ANO3: variants seen among roughly 807,000 people sequenced by gnomAD.
ANO3 encodes the protein anoctamin-3.
ANO3 carries 99 observed loss-of-function variants against 144.8 expected under a neutral mutation model. That is an observed-to-expected ratio of 0.68 (90% CI 0.58 to 0.81). The LOEUF (loss-of-function observed/expected upper bound fraction) is 0.81, where lower values mean the gene tolerates loss of function less well. Among genes scored for constraint, ANO3 ranks in the 30% least tolerant of loss-of-function variants. ANO3 has a pLI of 0.00. For missense variants in ANO3, 905 were observed against 1,202.2 expected (o/e 0.75, Z 3.66); for synonymous variants, 414 against 392.6 (o/e 1.05, Z -0.64).
intron 1 of ANO3, among the ~76,000 whole-genome samples, chr11:26,334,562 A>G (rs1427042947): frequency 6.6e-6 from 1 of 152,212 alleles, no homozygotes; most frequent in Non-Finnish European, 1.5e-5. Context: ...GAAATCTTCA[A>G]CAAAGTGGTT....
chr11:26,531,111 GA>G, intron 7 of ANO3, 93 bp from the exon 8 acceptor site: 1 of 1,390,150 alleles, frequency 7.2e-7, no homozygotes, highest in Non-Finnish European at 9.9e-7. Flanking sequence ...TCTTTTCAAA[GA>G]AGTTTCTTTA....
chr11:26,309,271 A>T (rs1854454112), upstream of ANO3, among the ~76,000 whole-genome samples: 1 of 152,194 alleles, frequency 6.6e-6, no homozygotes, highest in Non-Finnish European at 1.5e-5. Context: ...TATGAAAAAG[A>T]TCAGAGTGAG....
chr11:26,558,204 C>T (rs556687436), intron 13 of ANO3, among the ~76,000 whole-genome samples: 8 of 152,124 alleles, frequency 5.3e-5, no homozygotes, highest in Non-Finnish European at 1.2e-4. Flanking sequence ...GTTCATGCAA[C>T]ACAATTGCTA....
At chr11:26,400,634 T>C (rs1857123551) in intron 1 of ANO3, among the ~76,000 whole-genome samples, 1 of 151,910 alleles carries the variant, frequency 6.6e-6, no homozygotes, top group Non-Finnish European at 1.5e-5. Context: ...TTCATTAATA[T>C]GTTTGCATTC....
intron 14 of ANO3, 80 bp downstream of exon 14, chr11:26,559,859 C>G: frequency 1.1e-6 from 1 of 905,696 alleles, no homozygotes; most frequent in East Asian, 2.4e-5. Context: ...CACACACACA[C>G]ACACACACAC....
At chr11:26,528,441 C>G (rs1849221257) in intron 7 of ANO3, among the ~76,000 whole-genome samples, 1 of 152,136 alleles carries the variant, frequency 6.6e-6, no homozygotes, top group African/African-American at 2.4e-5. Context: ...CTGTTAACAT[C>G]ACAAATGATG....
At chr11:26,240,233 A>G (rs1852633376) in intron 1 of ANO3, among the ~76,000 whole-genome samples, 2 of 152,220 alleles carry the variant, frequency 1.3e-5, no homozygotes, top group African/African-American at 4.8e-5. Flanking sequence ...TATTATTATT[A>G]TTCAGTGACT....
chr11:26,636,325 G>A (rs1470292252), intron 20 of ANO3, among the ~76,000 whole-genome samples: 3 of 152,170 alleles, frequency 2.0e-5, no homozygotes, highest in Admixed American at 6.5e-5. Flanking sequence ...TTTAAAAAGT[G>A]CTATGGTTTG....
intron 1 of ANO3, among the ~76,000 whole-genome samples, chr11:26,431,999 T>A (rs1858111405): frequency 6.6e-6 from 1 of 152,198 alleles, no homozygotes; most frequent in South Asian, 2.1e-4. Flanking sequence ...TTCACAGTGG[T>A]TGAACTAATT....
chr11:26,488,539 C>T (rs533322818), intron 4 of ANO3, among the ~76,000 whole-genome samples: 113 of 152,248 alleles, frequency 7.4e-4, no homozygotes, highest in African/African-American at 2.6e-3. Flanking sequence ...CAGATGCCTC[C>T]GGACTTTCTT....
At chr11:26,239,710 T>C (rs1852617787) in intron 1 of ANO3, among the ~76,000 whole-genome samples, 1 of 152,210 alleles carries the variant, frequency 6.6e-6, no homozygotes, top group African/African-American at 2.4e-5. Context: ...TGGTCTCTGC[T>C]ATAACCCCAG....
intron 4 of ANO3, among the ~76,000 whole-genome samples, chr11:26,502,626 T>TC (rs1256799980): frequency 6.6e-6 from 1 of 152,154 alleles, no homozygotes; most frequent in Non-Finnish European, 1.5e-5. Context: ...TTGGTACCTA[T>TC]CAGGCTTCTT....
chr11:26,566,485 A>T (rs1290021447), intron 14 of ANO3, among the ~76,000 whole-genome samples: 3 of 152,080 alleles, frequency 2.0e-5, no homozygotes, highest in East Asian at 3.9e-4. Flanking sequence ...CTAGTCATGA[A>T]ATAACTCATG....
Position 26,558,269 on chromosome 11 carries a change from G to A in ANO3, c.1387-1450G>A, listed in dbSNP as rs541938292. On this transcript the variant is annotated intron_variant, in intron 13 of 26. Transcript: ENST00000256737. ...CTAAAAGCATGGTTATTTCTAGAGCGGGGAAGGGCCATTATTTCTTGGTGA... is the reference window on the plus strand; with the variant it reads ...CTAAAAGCATGGTTATTTCTAGAGCAGGGAAGGGCCATTATTTCTTGGTGA... 8.5e-5 allele frequency among the ~76,000 whole-genome samples: 13 copies of A among 152,212 alleles called. No homozygotes were observed. The South Asian group carries it at 2.3e-3, about 27-fold the overall frequency.
At chr11:26,588,598 T>G (rs1160520277) in intron 14 of ANO3, among the ~76,000 whole-genome samples, 1 of 152,192 alleles carries the variant, frequency 6.6e-6, no homozygotes, top group Non-Finnish European at 1.5e-5. Context: ...TGTTTTTTGC[T>G]CAAGTATATG....
At chr11:26,217,460 C>G (rs979282493) in intron 1 of ANO3, among the ~76,000 whole-genome samples, 2 of 151,906 alleles carry the variant, frequency 1.3e-5, no homozygotes, top group Non-Finnish European at 2.9e-5. Flanking sequence ...TGTGATTTAG[C>G]TGGGAGTTAG....
intron 14 of ANO3, among the ~76,000 whole-genome samples, chr11:26,576,140 C>T (rs907883140): frequency 2.6e-5 from 4 of 152,144 alleles, no homozygotes; most frequent in African/African-American, 9.7e-5. Flanking sequence ...CTGAGTAGAA[C>T]AAGCTCAGGC....
At position 26,508,020 on chromosome 11, in the gene ANO3, C is replaced by T; in HGVS notation, c.433-84C>T. On this transcript the variant is annotated intron_variant, in intron 4 of 26. Coordinates refer to ENST00000256737, the MANE Select transcript of ANO3 (RefSeq NM_031418.4). ...AAATACATTTTTTGATATTGTATTG[C>T]CAGTGTTCAAATGGCAGTAACTGTA... is the stretch of plus-strand genomic sequence containing the variant. 3 of 1,185,048 alleles carry T rather than the reference C, an allele frequency of 2.5e-6. No individual in the cohort carries two copies. The South Asian group carries it at 4.5e-5, about 18-fold the overall frequency. 73.4% of individuals were successfully genotyped at this position (1,185,048 alleles called of 1,614,324 possible).
chr11:26,490,573 G>A (rs1860664384), intron 4 of ANO3, among the ~76,000 whole-genome samples: 1 of 152,186 alleles, frequency 6.6e-6, no homozygotes, highest in South Asian at 2.1e-4. Context: ...CATAGAGACT[G>A]CCCATTAAGA....
Sources: gnomAD v4.1 joint callset for allele counts (sites outside exome capture counted in the v4.1 genomes callset) on GRCh38, gnomAD v4.1.1 for gene constraint, MANE v1.5 for transcripts, NCBI Gene and HGNC (gene_info 2026-07-23, HGNC 2026-07-21) for gene names.